Variants in CCDC179 observed in about 807,000 individuals in gnomAD.
CCDC179 encodes the protein coiled-coil domain containing 179, also known as coiled-coil domain-containing protein 179.
In CCDC179, 17 loss-of-function variants were observed where a neutral mutation model predicts 12.0. That is an observed-to-expected ratio of 1.42 (90% CI 0.97 to 2.13). The LOEUF (loss-of-function observed/expected upper bound fraction) is 2.13. Among genes scored for constraint, CCDC179 ranks in the 30% most tolerant of loss-of-function variants. CCDC179 has a pLI of 0.00. For synonymous variants in CCDC179, 27 were observed against 26.4 expected, an observed-to-expected ratio of 1.02 and a Z score of -0.07; for missense variants, 83 against 78.6, an observed-to-expected ratio of 1.06 and a Z score of -0.21.
At chr11:22,857,647 T>G (rs1858558227) in intron 3 of CCDC179, among the ~76,000 whole-genome samples, 1 of 151,742 alleles carries the variant, frequency 6.6e-6, no homozygotes, top group Admixed American at 6.6e-5. Flanking sequence ...GTGATTAACC[T>G]TATGTAGTCA....
intron 3 of CCDC179, among the ~76,000 whole-genome samples, chr11:22,857,306 T>G (rs1227922675): frequency 6.6e-6 from 1 of 151,558 alleles, no homozygotes; most frequent in East Asian, 1.9e-4. Flanking sequence ...ATGGTATTGA[T>G]GAAAAACAGG....
At chr11:22,847,561 T>C in intron 3 of CCDC179, 40 bp from the exon 4 acceptor site, 2 of 1,128,798 alleles carry the variant, frequency 1.8e-6, no homozygotes, top group East Asian at 5.6e-5. Flanking sequence ...AGAAATTTAA[T>C]TAAAATTTAT....
chr11:22,853,408 C>A (rs1270949555), intron 3 of CCDC179, among the ~76,000 whole-genome samples: 2 of 151,840 alleles, frequency 1.3e-5, no homozygotes, highest in Admixed American at 6.6e-5. Flanking sequence ...TAATACAAGG[C>A]AAAATGGAAA....
chr11:22,848,751 G>C (rs1297544043), intron 3 of CCDC179, among the ~76,000 whole-genome samples: 2 of 152,116 alleles, frequency 1.3e-5, no homozygotes, highest in Non-Finnish European at 2.9e-5. Context: ...GAGATGAAAA[G>C]GTAAAATGAG....
chr11:22,860,319 G>T, intron 1 of CCDC179, 58 bp downstream of exon 1: 1 of 1,513,496 alleles, frequency 6.6e-7, no homozygotes, highest in South Asian at 1.2e-5. Context: ...CAGTGGCCTG[G>T]AGCTCAAGGC....
intron 2 of CCDC179, among the ~76,000 whole-genome samples, chr11:22,858,329 T>C (rs1434165572): frequency 1.3e-5 from 2 of 151,962 alleles, no homozygotes; most frequent in Non-Finnish European, 2.9e-5. Context: ...ACTTTTGCTT[T>C]AAAAATAATG....
At chr11:22,857,196 G>T (rs79915254) in intron 3 of CCDC179, among the ~76,000 whole-genome samples, 6,036 of 151,644 alleles carry the variant, frequency 0.04, 211 homozygotes, top group African/African-American at 0.087. Flanking sequence ...AAAGGGAAAA[G>T]TTCCAGAAAA....
intron 3 of CCDC179, among the ~76,000 whole-genome samples, chr11:22,850,557 T>C (rs80260021): frequency 0.016 from 2,368 of 152,142 alleles, 73 homozygotes; most frequent in African/African-American, 0.055. Context: ...AACATGCATG[T>C]GTAAGTGTCT....
At chr11:22,860,233 C>T in intron 1 of CCDC179, 144 bp downstream of exon 1, 2 of 882,690 alleles carry the variant, frequency 2.3e-6, no homozygotes, top group Non-Finnish European at 3.4e-6. Flanking sequence ...TGTAGTCTGT[C>T]TACATCACCT....
intron 3 of CCDC179, among the ~76,000 whole-genome samples, chr11:22,848,448 GA>G (rs1031006414): frequency 0.012 from 1,638 of 136,712 alleles, 34 homozygotes; most frequent in African/African-American, 0.04. Flanking sequence ...TGTCTCAAAA[GA>G]AAAAAAAAAA....
At position 22,857,955 on chromosome 11, in the gene CCDC179, T is replaced by G. The variant is rs1312617001; in HGVS notation, c.162A>C (p.Ser54=). 1.7e-5 allele frequency: 26 copies of G among 1,528,534 alleles called. No individual in the cohort carries two copies. The highest frequency in any genetic ancestry group is 2.3e-5 in the Non-Finnish European group (26 of 1,143,384). The allele number at this position is 1,528,534 out of a possible 1,614,324, so 94.7% of individuals were successfully genotyped here. A position where few individuals can be genotyped will look rare whatever the true frequency, so the allele number is the denominator to read the frequency against. Residue 54 remains serine (S), a synonymous_variant, in exon 3 of 4, where the codon TCA becomes TCC. Coordinates refer to ENST00000532798, the MANE Select transcript of CCDC179 (RefSeq NM_001195637.2). ...CTGGTTCTGGAATAGGAGAAGGCCT[T>G]GAAAACCTTTTATTCAGTCTCCTCT... ...KEKRRLNKRF[S]RPSPIPEPGL...
At chr11:22,853,074 A>G (rs777618883) in intron 3 of CCDC179, among the ~76,000 whole-genome samples, 3 of 152,218 alleles carry the variant, frequency 2.0e-5, no homozygotes, top group Non-Finnish European at 4.4e-5. Context: ...AAACTGAATC[A>G]GGGGAAATTT....
rs570304219 is a variant in CCDC179, at chr11:22,849,505, T to G, written c.196-1984A>C. 3.3e-5 allele frequency among the ~76,000 whole-genome samples: 5 copies of G among 152,318 alleles called. No homozygotes were observed. In the South Asian group the frequency reaches 8.3e-4, roughly 25 times the overall value. On this transcript the variant is annotated intron_variant, in intron 3 of 3. Coordinates refer to ENST00000532798, the MANE Select transcript of CCDC179 (RefSeq NM_001195637.2). The stretch of plus-strand genomic sequence containing the variant: ...TCAAGAAAAAAAGGGGGAGCTTTTT[T>G]CAGTTTATAGCAACTTATTTTATTT...
At chr11:22,849,781 A>G (rs1858327394) in intron 3 of CCDC179, among the ~76,000 whole-genome samples, 1 of 152,150 alleles carries the variant, frequency 6.6e-6, no homozygotes, top group Admixed American at 6.6e-5. Flanking sequence ...TGTCTGGGGT[A>G]GATACCCAGG....
At position 22,850,976 on chromosome 11, in the gene CCDC179, A is replaced by ATTTT. The variant is rs1164245496; in HGVS notation, c.196-3459_196-3456dup. Reference sequence around the variant, plus strand: ...TATATATATATATATATATATATATATTTTTTTTTTTTTTTTTTTTTTTTG... The same window carrying ATTTT: ...TATATATATATATATATATATATATATTTTTTTTTTTTTTTTTTTTTTTTTTTTG... On this transcript the variant is annotated intron_variant, in intron 3 of 3. Coordinates refer to ENST00000532798, the MANE Select transcript of CCDC179 (RefSeq NM_001195637.2). Among the ~76,000 whole-genome samples, 18 of 6,122 alleles carry ATTTT rather than the reference A, an allele frequency of 2.9e-3. 2 individuals carry two copies. The highest frequency in any genetic ancestry group is 5.2e-3 in the African/African-American group (17 of 3,270). 4.0% of individuals were successfully genotyped at this position (6,122 alleles called of 152,430 possible). A position where few individuals can be genotyped will look rare whatever the true frequency, so the allele number is the denominator to read the frequency against.
chr11:22,853,617 G>A (rs923338022), intron 3 of CCDC179, among the ~76,000 whole-genome samples: 6 of 146,454 alleles, frequency 4.1e-5, no homozygotes, highest in African/African-American at 1.3e-4. Flanking sequence ...CAAGAACTGA[G>A]CAACAATTAC....
intron 3 of CCDC179, among the ~76,000 whole-genome samples, chr11:22,856,456 C>T (rs144784795): frequency 6.6e-6 from 1 of 151,448 alleles, no homozygotes; most frequent in South Asian, 2.1e-4. Context: ...TGACAAAATC[C>T]AGTACCCATT....
intron 3 of CCDC179, among the ~76,000 whole-genome samples, chr11:22,850,957 TATA>T (rs1564915013): frequency 1.4e-3 from 15 of 10,430 alleles, no homozygotes; most frequent in Non-Finnish European, 3.1e-3. Flanking sequence ...TATATATATA[TATA>T]TATATATATA....
chr11:22,854,902 A>G lies in CCDC179; in HGVS notation c.195+3020T>C, dbSNP rs548354524. On this transcript the variant is annotated intron_variant, in intron 3 of 3. Transcript: ENST00000532798. ...TACATTGCTAACAGTAATCAACAGA[A>G]AGCTGAAGTTGCATTATTAATTTCA... Among the ~76,000 whole-genome samples the G allele has an allele frequency of 2.9e-3, 433 of 151,854 alleles. 2 individuals are homozygous for G. Among genetic ancestry groups the G allele is most frequent in the African/African-American group, 9.8e-3 (407 of 41,546 alleles).
Sources: gnomAD v4.1 joint callset for allele counts (sites outside exome capture counted in the v4.1 genomes callset) on GRCh38, gnomAD v4.1.1 for gene constraint, MANE v1.5 for transcripts, NCBI Gene and HGNC (gene_info 2026-07-23, HGNC 2026-07-21) for gene names.